Variants in ZC4H2 observed in about 807,000 individuals in gnomAD.
ZC4H2 encodes zinc finger C4H2-type containing.
For synonymous variants in ZC4H2, 84 were observed against 66.3 expected, an observed-to-expected ratio of 1.27 and a Z score of -1.30; for missense variants, 137 against 173.9, an observed-to-expected ratio of 0.79 and a Z score of 1.19.
chrX:64,968,838 A>C (rs1931679746), intron 1 of ZC4H2, among the ~76,000 whole-genome samples: 1 of 111,281 alleles, frequency 9.0e-6, no homozygotes, highest in Non-Finnish European at 1.9e-5. Flanking sequence ...AAGAACAAAA[A>C]TTTATTTCTC....
At chrX:64,994,973 A>G (rs1054815410) in intron 1 of ZC4H2, among the ~76,000 whole-genome samples, 16 of 111,452 alleles carry the variant, frequency 1.4e-4, no homozygotes, top group African/African-American at 4.9e-4. Flanking sequence ...AAAATCTTAC[A>G]TAACTGCTAG....
At chrX:64,919,705 C>CT (rs1929096330) in intron 3 of ZC4H2, 1 of 157,217 alleles carries the variant, frequency 6.4e-6, no homozygotes, top group Non-Finnish European at 1.2e-5. Flanking sequence ...AAAGCTCAGT[C>CT]TTTTTTGTTT....
At chrX:64,974,808 T>C (rs937104937) in intron 1 of ZC4H2, among the ~76,000 whole-genome samples, 5 of 108,962 alleles carry the variant, frequency 4.6e-5, no homozygotes, top group East Asian at 5.8e-4. Context: ...TCACAACTGG[T>C]CCTTCTCTGG....
At chrX:65,022,135 C>T (rs1932841216) in intron 1 of ZC4H2, among the ~76,000 whole-genome samples, 1 of 111,829 alleles carries the variant, frequency 8.9e-6, no homozygotes, top group South Asian at 3.8e-4. Flanking sequence ...GAAACTATTC[C>T]AAACAATAGA....
At chrX:64,934,608 G>A (rs1303175600) in intron 1 of ZC4H2, among the ~76,000 whole-genome samples, 4 of 112,018 alleles carry the variant, frequency 3.6e-5, no homozygotes, top group African/African-American at 1.3e-4. Context: ...AAAACAGAAG[G>A]TGGGTGATTT....
At chrX:64,981,647 G>A (rs2147426485) in intron 1 of ZC4H2, among the ~76,000 whole-genome samples, 1 of 111,053 alleles carries the variant, frequency 9.0e-6, no homozygotes, top group South Asian at 3.9e-4. Context: ...GCACTCACAT[G>A]TGATATATGG....
At chrX:64,979,815 A>T (rs756365448), upstream of ZC4H2, among the ~76,000 whole-genome samples, 1 of 98,919 alleles carries the variant, frequency 1.0e-5, no homozygotes, top group South Asian at 3.8e-4. Flanking sequence ...GGTTAGAAAT[A>T]AAAAAAAATC....
intron 1 of ZC4H2, among the ~76,000 whole-genome samples, chrX:64,936,070 G>A (rs1929996786): frequency 9.1e-6 from 1 of 109,723 alleles, no homozygotes; most frequent in Non-Finnish European, 1.9e-5. Context: ...GTTTAGAGAA[G>A]AACATAAATG....
At chrX:65,009,088 T>C (rs1932716476) in intron 1 of ZC4H2, among the ~76,000 whole-genome samples, 1 of 112,148 alleles carries the variant, frequency 8.9e-6, no homozygotes, top group Non-Finnish European at 1.9e-5. Flanking sequence ...CATAAATATG[T>C]ACAACTATTA....
In ZC4H2 at chrX:64,976,431, G is replaced by C. The variant is rs1931952422; in HGVS notation, c.-54C>G. On this transcript the variant is annotated 5_prime_UTR_variant, in exon 1 of 5. Coordinates refer to ENST00000374839, the MANE Select transcript of ZC4H2 (RefSeq NM_018684.4). ...GAGATGTACAAATACACCAGCCAAG[G>C]GATACAATAGACACAATGTAGCCAC... 1 of 1,151,166 alleles carries C rather than the reference G, an allele frequency of 8.7e-7. No individual in the cohort carries two copies. The highest frequency in any genetic ancestry group is 3.0e-5 in the East Asian group (1 of 33,538). The allele number at this position is 1,151,166 out of a possible 1,213,427, so 94.9% of individuals were successfully genotyped here.
At chrX:64,925,633 CT>C in intron 1 of ZC4H2, among the ~76,000 whole-genome samples, 1 of 111,669 alleles carries the variant, frequency 9.0e-6, no homozygotes, top group South Asian at 3.8e-4. Flanking sequence ...TTATGTAATC[CT>C]CCCTCCTCCC....
intron 1 of ZC4H2, among the ~76,000 whole-genome samples, chrX:64,988,583 T>G (rs1177089808): frequency 9.3e-6 from 1 of 108,003 alleles, no homozygotes; most frequent in Non-Finnish European, 1.9e-5. Context: ...GATGGGTTTG[T>G]TTTTTTTTTC....
upstream of ZC4H2, among the ~76,000 whole-genome samples, chrX:64,978,936 C>T (rs1384140964): frequency 1.8e-5 from 2 of 111,155 alleles, no homozygotes; most frequent in South Asian, 3.8e-4. Context: ...TTCCATTGTC[C>T]CCTTCACCTT....
chrX:64,995,961 T>C (rs767099989), intron 1 of ZC4H2, among the ~76,000 whole-genome samples: 30 of 111,608 alleles, frequency 2.7e-4, no homozygotes, highest in African/African-American at 9.8e-4. Flanking sequence ...GAGAAAAATC[T>C]GGGGGAGTTT....
intron 1 of ZC4H2, among the ~76,000 whole-genome samples, chrX:65,014,284 G>T (rs560224518): frequency 2.7e-5 from 3 of 111,520 alleles, no homozygotes; most frequent in African/African-American, 9.8e-5. Context: ...CATTTTGAGG[G>T]CAAAAGGGAT....
At chrX:64,981,620 G>A (rs761212209) in intron 1 of ZC4H2, among the ~76,000 whole-genome samples, 101 of 111,080 alleles carry the variant, frequency 9.1e-4, no homozygotes, top group African/African-American at 3.1e-3. Flanking sequence ...AGAACCGTAC[G>A]ATGTTAGAGC....
intron 1 of ZC4H2, among the ~76,000 whole-genome samples, chrX:64,950,106 C>T (rs1362511841): frequency 8.9e-6 from 1 of 111,963 alleles, no homozygotes; most frequent in Non-Finnish European, 1.9e-5. Context: ...TCGTTATGTA[C>T]TTAGCAGTCA....
chrX:64,919,573 C>T (rs904206158), intron 3 of ZC4H2: 3 of 152,803 alleles, frequency 2.0e-5, no homozygotes, highest in South Asian at 2.7e-4. Context: ...AGACACCTTG[C>T]TCTACCTTTA....
At chrX:64,956,606 A>G (rs949774439) in intron 1 of ZC4H2, among the ~76,000 whole-genome samples, 30 of 111,421 alleles carry the variant, frequency 2.7e-4, no homozygotes, top group African/African-American at 9.5e-4. Flanking sequence ...CTAAGTAAGA[A>G]CCTGACCCGA....
Sources: gnomAD v4.1 joint callset for allele counts (sites outside exome capture counted in the v4.1 genomes callset) on GRCh38, gnomAD v4.1.1 for gene constraint, MANE v1.5 for transcripts, NCBI Gene and HGNC (gene_info 2026-07-23, HGNC 2026-07-21) for gene names.